The following DNAJC10 variants were observed in gnomAD, a reference collection of about 807,000 sequenced individuals.
DNAJC10 encodes the protein endoplasmic reticulum disulfide reductase DNAJC10.
In DNAJC10, 101 loss-of-function variants were observed where a neutral mutation model predicts 115.0. The observed-to-expected ratio is 0.88, with a 90% CI of 0.75 to 1.04. DNAJC10 has a LOEUF of 1.04. Ranked by LOEUF, DNAJC10 falls within the 50% of genes least tolerant of loss-of-function variation. DNAJC10 has a pLI of 0.00. For missense variants in DNAJC10, 981 were observed against 928.8 expected, an observed-to-expected ratio of 1.06 and a Z score of -0.73; for synonymous variants, 307 against 301.5, an observed-to-expected ratio of 1.02 and a Z score of -0.19.
Position 182,764,891 on chromosome 2 carries a change from T to G in DNAJC10, c.2265+2090T>G, listed in dbSNP as rs999946721. On this transcript the variant is annotated intron_variant, in intron 22 of 23. Transcript: ENST00000264065. The stretch of plus-strand genomic sequence containing the variant: ...CCATACTCTGACCAGATGATAGAAC[T>G]ATTGGAGGGACTCCTAAATCCAATA... Among the ~76,000 whole-genome samples, 127 of 152,140 alleles carry G rather than the reference T, an allele frequency of 8.3e-4. 3 individuals are homozygous for G. The highest frequency in any genetic ancestry group is 2.1e-4 in the Non-Finnish European group (14 of 68,016).
chr2:182,760,017 T>C (rs150388114), intron 21 of DNAJC10, among the ~76,000 whole-genome samples: 175 of 152,294 alleles, frequency 1.1e-3, no homozygotes, highest in Middle Eastern at 6.8e-3. Context: ...TCTAAAATAT[T>C]TCCCTCTCTG....
At chr2:182,762,856 T>G in intron 22 of DNAJC10, 55 bp downstream of exon 22, 2 of 1,549,406 alleles carry the variant, frequency 1.3e-6, no homozygotes, top group Non-Finnish European at 1.7e-6. Context: ...TCAAAAGATG[T>G]GTTTCAGTCT....
At position 182,767,252 on chromosome 2, in the gene DNAJC10, A is replaced by G. The variant is rs542732846; in HGVS notation, c.2265+4451A>G. On this transcript the variant is annotated intron_variant, in intron 22 of 23. Coordinates refer to ENST00000264065, the MANE Select transcript of DNAJC10 (RefSeq NM_018981.4). ...TAGCGTTAATAAAATGACCTTGCTC[A>G]TTTCCTCTTTTCAGGCAGTGACCTA... Among the ~76,000 whole-genome samples, 3 of 152,244 alleles carry G rather than the reference A, an allele frequency of 2.0e-5. No homozygotes were observed. In the South Asian group the frequency reaches 6.2e-4, roughly 32 times the overall value.
chr2:182,773,204 G>A (rs1423297138), intron 22 of DNAJC10, among the ~76,000 whole-genome samples: 2 of 152,198 alleles, frequency 1.3e-5, no homozygotes, highest in African/African-American at 4.8e-5. Flanking sequence ...GAGATCTGCT[G>A]TTAGTCTGAT....
rs981777773 is a variant in DNAJC10, at chr2:182,729,159, T to G, written c.633+165T>G. 2.4e-5 allele frequency: 18 copies of G among 736,662 alleles called. No individual in the cohort carries two copies. The South Asian group carries it at 3.5e-4, about 14-fold the overall frequency. 45.6% of individuals were successfully genotyped at this position (736,662 alleles called of 1,614,324 possible). A position where few individuals can be genotyped will look rare whatever the true frequency, so the allele number is the denominator to read the frequency against. The stretch of plus-strand genomic sequence containing the variant: ...AATAAACATTTTGGATTATGAATTT[T>G]TTTTTTTGAGATGGAGTCTCACTCT... On this transcript the variant is annotated intron_variant, in intron 7 of 23. Coordinates refer to ENST00000264065, the MANE Select transcript of DNAJC10 (RefSeq NM_018981.4).
rs1694850203 is a variant in DNAJC10 at position 182,781,642 on chromosome 2, T to TAA, written c.*4511_*4512dup. 6.6e-6 allele frequency: 1 copy of TAA among 152,214 alleles called. No homozygotes were observed. The highest frequency in any genetic ancestry group is 1.5e-5 in the Non-Finnish European group (1 of 68,040). 9.4% of individuals were successfully genotyped at this position (152,214 alleles called of 1,614,324 possible). On this transcript the variant is annotated 3_prime_UTR_variant, in exon 24 of 24. Coordinates refer to ENST00000264065, the MANE Select transcript of DNAJC10 (RefSeq NM_018981.4). The stretch of plus-strand genomic sequence containing the variant: ...CAGCATCTGTTGTTTCCTCACTTTT[T>TAA]AATGATCGCCATTCTAACTGATGTG...
At chr2:182,741,999 A>G (rs1026066239) in intron 13 of DNAJC10, among the ~76,000 whole-genome samples, 1 of 152,072 alleles carries the variant, frequency 6.6e-6, no homozygotes, top group Non-Finnish European at 1.5e-5. Flanking sequence ...ATGCATATAT[A>G]TTTATATGGA....
intron 5 of DNAJC10, among the ~76,000 whole-genome samples, chr2:182,722,495 T>G (rs550474096): frequency 3.3e-5 from 5 of 152,166 alleles, no homozygotes; most frequent in African/African-American, 1.2e-4. Flanking sequence ...TCCATTGCAT[T>G]TTAGAAAATT....
rs1694998065 is a variant in DNAJC10, at chr2:182,788,883, CTCT to C, written c.*11753_*11755del. 3 of 438,304 alleles carry C rather than the reference CTCT, an allele frequency of 6.8e-6. No individual in the cohort carries two copies. In the East Asian group the frequency reaches 2.1e-4, roughly 31 times the overall value. The allele number at this position is 438,304 out of a possible 1,614,324, so 27.2% of individuals were successfully genotyped here. A position where few individuals can be genotyped will look rare whatever the true frequency, so the allele number is the denominator to read the frequency against. ...AGGTCATTTTGTGTCTTCTTTAAAA[CTCT>C]TGATTCCTTTTAGAGTTTTTTAAAT... On this transcript the variant is annotated 3_prime_UTR_variant, in exon 24 of 24. Transcript: ENST00000264065.
rs533417367 is a variant in DNAJC10, at chr2:182,771,187, G to A, written c.2266-4129G>A. Among the ~76,000 whole-genome samples the A allele has an allele frequency of 3.3e-4, 51 of 152,280 alleles. 1 individual carries two copies. The South Asian group carries it at 6.6e-3, about 20-fold the overall frequency. On this transcript the variant is annotated intron_variant, in intron 22 of 23. Transcript: ENST00000264065. The stretch of plus-strand genomic sequence containing the variant: ...GATCTTGGTGGATAAGCTTTTTGAT[G>A]TGCTGCTGGATTCAGTTTGCCAGTA...
rs1471627878 is a variant in DNAJC10 at position 182,748,177 on chromosome 2, T to C, written c.1307-3481T>C. On this transcript the variant is annotated intron_variant, in intron 14 of 23. Transcript: ENST00000264065. ...TTGCATCAATGTTCATCAAGGATAT[T>C]GGTCTAAAATTCTCTTTTTTGGTTG... Among the ~76,000 whole-genome samples the C allele has an allele frequency of 3.3e-5, 5 of 150,436 alleles. No homozygotes were observed. In the South Asian group the frequency reaches 8.4e-4, roughly 25 times the overall value.
chr2:182,742,971 C>T, intron 13 of DNAJC10, among the ~76,000 whole-genome samples: 1 of 152,018 alleles, frequency 6.6e-6, no homozygotes, highest in East Asian at 1.9e-4. Flanking sequence ...CTCAGCCTCC[C>T]AAGTAGCTGG....
At position 182,793,705 on chromosome 2, in the gene DNAJC10, C is replaced by G. The variant is rs1461676142; in HGVS notation, c.*16573C>G. The G allele has an allele frequency of 2.0e-5, 3 of 151,850 alleles. No homozygotes were observed. The highest frequency in any genetic ancestry group is 2.1e-4 in the South Asian group (1 of 4,826). 9.4% of individuals were successfully genotyped at this position (151,850 alleles called of 1,614,324 possible). A position where few individuals can be genotyped will look rare whatever the true frequency, so the allele number is the denominator to read the frequency against. ...AATTAGGTTTCAGTTTATTTAAGTA[C>G]TAAATTAGGTTGCAATTTATTACAT... On this transcript the variant is annotated 3_prime_UTR_variant, in exon 24 of 24. Transcript: ENST00000264065.
In DNAJC10 at chr2:182,793,632, C is replaced by G. The variant is rs921322322; in HGVS notation, c.*16500C>G. The G allele has an allele frequency of 6.6e-6, 1 of 151,980 alleles. No homozygotes were observed. The highest frequency in any genetic ancestry group is 1.5e-5 in the Non-Finnish European group (1 of 68,002). 9.4% of individuals were successfully genotyped at this position (151,980 alleles called of 1,614,324 possible). A position where few individuals can be genotyped will look rare whatever the true frequency, so the allele number is the denominator to read the frequency against. ...CCAAATAAGGCAAGTTGGCAGCATG[C>G]AATTGGCTGTGACCTATCTGTTACA... On this transcript the variant is annotated 3_prime_UTR_variant, in exon 24 of 24. Coordinates refer to ENST00000264065, the MANE Select transcript of DNAJC10 (RefSeq NM_018981.4).
intron 19 of DNAJC10, 44 bp from the exon 20 acceptor site, chr2:182,758,793 T>A: frequency 7.5e-7 from 1 of 1,338,956 alleles, no homozygotes; most frequent in Non-Finnish European, 1.1e-6. Flanking sequence ...ATACATCCAA[T>A]AATAGAGAAT....
At chr2:182,776,618 C>G (rs1320668100) in intron 23 of DNAJC10, among the ~76,000 whole-genome samples, 1 of 152,172 alleles carries the variant, frequency 6.6e-6, no homozygotes, top group Non-Finnish European at 1.5e-5. Flanking sequence ...CCAGTTCAAA[C>G]TGCAGACCCC....
chr2:182,766,802 G>A (rs968734722), intron 22 of DNAJC10, among the ~76,000 whole-genome samples: 1 of 152,026 alleles, frequency 6.6e-6, no homozygotes, highest in African/African-American at 2.4e-5. Flanking sequence ...CGCTGACCGG[G>A]GGTATAATCT....
chr2:182,748,744 T>G (rs543531841), intron 14 of DNAJC10, among the ~76,000 whole-genome samples: 1 of 152,294 alleles, frequency 6.6e-6, no homozygotes, highest in Non-Finnish European at 1.5e-5. Flanking sequence ...TTAATTGTGA[T>G]GTTAGGGTGT....
intron 3 of DNAJC10, among the ~76,000 whole-genome samples, chr2:182,719,250 C>CTTTT (rs57284693): frequency 0.074 from 6,212 of 83,638 alleles, 644 homozygotes; most frequent in African/African-American, 0.2. Context: ...GGATTGTTTT[C>CTTTT]TTTTTTTTTT....
Sources: allele counts gnomAD v4.1 joint callset (sites outside exome capture counted in the v4.1 genomes callset), GRCh38; gene constraint gnomAD v4.1.1; transcripts MANE v1.5; gene names NCBI Gene and HGNC (gene_info 2026-07-23, HGNC 2026-07-21).